The following HS6ST2 variants were observed in gnomAD, a reference collection of about 807,000 sequenced individuals.
HS6ST2 encodes heparan-sulfate 6-O-sulfotransferase 2.
HS6ST2 carries 17 observed loss-of-function variants against 33.0 expected under a neutral mutation model. The observed-to-expected ratio is 0.52, with a 90% CI of 0.35 to 0.77. HS6ST2 has a LOEUF of 0.77. HS6ST2 is among the 30% of genes least tolerant of loss of function. The pLI is 0.01. For synonymous variants in HS6ST2, 248 were observed against 237.1 expected (o/e 1.05, Z -0.42); for missense variants, 519 against 551.7 (o/e 0.94, Z 0.59).
At chrX:132,944,710 A>G (rs1407134328) in intron 2 of HS6ST2, among the ~76,000 whole-genome samples, 1 of 110,695 alleles carries the variant, frequency 9.0e-6, no homozygotes, top group Admixed American at 9.6e-5. Flanking sequence ...CACATCTACA[A>G]CCATCTGATC....
chrX:132,684,300 C>CATATATGTAT (rs1361256667), intron 3 of HS6ST2, among the ~76,000 whole-genome samples: 3 of 101,912 alleles, frequency 2.9e-5, no homozygotes, highest in Non-Finnish European at 4.0e-5. Context: ...CACGCACACA[C>CATATATGTAT]ATATATGTAT....
chrX:132,676,250 G>A lies in HS6ST2; in HGVS notation c.981-7051C>T, dbSNP rs2063922835. On this transcript the variant is annotated intron_variant, in intron 3 of 4. Coordinates refer to ENST00000370833, the MANE Select transcript of HS6ST2 (RefSeq NM_001394073.1). ...ATGTGTTTACTCTGTGCCCTTTAATGTGTGTTTACTATGTAGCCTTGGGGA... is the reference window on the plus strand; with the variant it reads ...ATGTGTTTACTCTGTGCCCTTTAATATGTGTTTACTATGTAGCCTTGGGGA... Among the ~76,000 whole-genome samples the A allele has an allele frequency of 2.7e-5, 3 of 112,430 alleles. No individual in the cohort carries two copies. In the South Asian group the frequency reaches 1.1e-3, roughly 42 times the overall value.
At chrX:132,820,335 T>A (rs1359817195) in intron 2 of HS6ST2, among the ~76,000 whole-genome samples, 1 of 111,096 alleles carries the variant, frequency 9.0e-6, no homozygotes, top group Non-Finnish European at 1.9e-5. Flanking sequence ...GTCAAAGCAA[T>A]CACCCCTATT....
chrX:132,834,823 C>T (rs777311502), intron 2 of HS6ST2, among the ~76,000 whole-genome samples: 65 of 111,789 alleles, frequency 5.8e-4, no homozygotes, highest in Non-Finnish European at 1.0e-3. Flanking sequence ...TTAAGCTTCC[C>T]TTCTTAACAA....
chrX:132,631,008 A>T (rs1234817227), intron 4 of HS6ST2, among the ~76,000 whole-genome samples: 1 of 111,411 alleles, frequency 9.0e-6, no homozygotes, highest in Non-Finnish European at 1.9e-5. Context: ...TTATATTTCC[A>T]CTTAAACTAT....
At chrX:132,936,488 T>C (rs1270408868) in intron 2 of HS6ST2, among the ~76,000 whole-genome samples, 1 of 111,867 alleles carries the variant, frequency 8.9e-6, no homozygotes, top group Non-Finnish European at 1.9e-5. Context: ...GAGACTAGTG[T>C]TACTCTAATA....
At chrX:132,832,720 T>C (rs1376948365) in intron 2 of HS6ST2, among the ~76,000 whole-genome samples, 2 of 112,101 alleles carry the variant, frequency 1.8e-5, no homozygotes, top group African/African-American at 6.5e-5. Context: ...AATTTGCTAC[T>C]AACTTATATA....
Position 132,957,292 on chromosome X carries a change from G to T in HS6ST2, c.463C>A (p.Leu155Met). Residue 155 changes from leucine (L) to methionine (M), a missense_variant, in exon 2 of 5, where the codon CTG (leucine) becomes ATG (methionine). Coordinates refer to ENST00000370833, the MANE Select transcript of HS6ST2 (RefSeq NM_001394073.1). ...GNMDEKSNKL[L>M]LALVMLFLFA... is the part of the protein sequence containing the mutation. Reference sequence around the variant, plus strand: ...AGGAAGAGCATCACCAAAGCTAGCAGCAGCTTGTTGGATTTCTCATCCATG... The same window carrying T: ...AGGAAGAGCATCACCAAAGCTAGCATCAGCTTGTTGGATTTCTCATCCATG... 1 of 1,167,792 alleles carries T rather than the reference G, an allele frequency of 8.6e-7. No individual in the cohort carries two copies. Among genetic ancestry groups the T allele is most frequent in the Non-Finnish European group, 1.1e-6 (1 of 872,652 alleles).
intron 3 of HS6ST2, among the ~76,000 whole-genome samples, chrX:132,686,381 G>A (rs898421892): frequency 8.9e-6 from 1 of 111,940 alleles, no homozygotes; most frequent in Non-Finnish European, 1.9e-5. Flanking sequence ...AAGTTCACAG[G>A]GGTGATTTTT....
In HS6ST2 at chrX:132,939,279, A is replaced by G. The variant is rs150548285; in HGVS notation, c.947+17529T>C. 2.3e-3 allele frequency among the ~76,000 whole-genome samples: 261 copies of G among 111,175 alleles called. 1 individual carries two copies. The highest frequency in any genetic ancestry group is 8.2e-3 in the African/African-American group (251 of 30,597). ...ATCTTGAGGGATACTCTGAAAAACT[A>G]TTAGAACTTAAAAATGAATTCAGCA... is the stretch of plus-strand genomic sequence containing the variant. On this transcript the variant is annotated intron_variant, in intron 2 of 4. Coordinates refer to ENST00000370833, the MANE Select transcript of HS6ST2 (RefSeq NM_001394073.1).
rs186933354 is a variant in HS6ST2, at chrX:132,862,017, G to C, written c.947+94791C>G. ...TAAACAAGTTTGTTCTTTAATAATT[G>C]AATCTTATGCCATTTGAAATATATT... On this transcript the variant is annotated intron_variant, in intron 2 of 4. Transcript: ENST00000370833. Among the ~76,000 whole-genome samples, 33 of 111,708 alleles carry C rather than the reference G, an allele frequency of 3.0e-4. 1 individual carries two copies. Among genetic ancestry groups the C allele is most frequent in the African/African-American group, 1.0e-3 (31 of 30,848 alleles).
intron 2 of HS6ST2, among the ~76,000 whole-genome samples, chrX:132,883,714 G>A (rs188996266): frequency 9.0e-6 from 1 of 110,992 alleles, no homozygotes; most frequent in East Asian, 2.9e-4. Context: ...CCTCACCAGA[G>A]GACTCTGTGG....
At chrX:132,742,483 G>T (rs948855421) in intron 2 of HS6ST2, among the ~76,000 whole-genome samples, 2 of 111,259 alleles carry the variant, frequency 1.8e-5, no homozygotes, top group Non-Finnish European at 3.8e-5. Context: ...CCCACCCCTA[G>T]ACAGGCTACC....
chrX:132,737,105 C>A (rs1449244567), intron 2 of HS6ST2, among the ~76,000 whole-genome samples: 1 of 111,097 alleles, frequency 9.0e-6, no homozygotes, highest in East Asian at 2.8e-4. Context: ...CACATGGAGA[C>A]CCTGAGGCTC....
intron 2 of HS6ST2, among the ~76,000 whole-genome samples, chrX:132,897,868 T>A (rs1328358514): frequency 9.0e-6 from 1 of 111,586 alleles, no homozygotes; most frequent in African/African-American, 3.3e-5. Context: ...TTGCTAAATA[T>A]CCCCTTAACC....
chrX:132,878,723 A>G (rs1210614028), intron 2 of HS6ST2, among the ~76,000 whole-genome samples: 1 of 112,068 alleles, frequency 8.9e-6, no homozygotes, highest in Non-Finnish European at 1.9e-5. Flanking sequence ...ATCATTTGGA[A>G]TATAAATAAT....
intron 2 of HS6ST2, among the ~76,000 whole-genome samples, chrX:132,709,868 A>G (rs1264468103): frequency 9.7e-6 from 1 of 102,821 alleles, no homozygotes; most frequent in Non-Finnish European, 2.0e-5. Context: ...AGGAAAACAT[A>G]AAGCCATATA....
At chrX:132,872,190 A>G (rs1330763276) in intron 2 of HS6ST2, among the ~76,000 whole-genome samples, 1 of 111,899 alleles carries the variant, frequency 8.9e-6, no homozygotes, top group Non-Finnish European at 1.9e-5. Context: ...ATTGGTGCAG[A>G]TAACTGATTG....
At chrX:132,668,171 T>C (rs2063824258) in intron 4 of HS6ST2, 1 of 111,886 alleles carries the variant, frequency 8.9e-6, no homozygotes, top group Admixed American at 9.5e-5. Context: ...ATATGACCAT[T>C]ACAAATTCAC....
Sources: allele counts gnomAD v4.1 joint callset (sites outside exome capture counted in the v4.1 genomes callset), GRCh38; gene constraint gnomAD v4.1.1; transcripts MANE v1.5; gene names NCBI Gene and HGNC (gene_info 2026-07-23, HGNC 2026-07-21).